FAAH2: variants seen among roughly 807,000 people sequenced by gnomAD.
The protein encoded by FAAH2 is fatty-acid amide hydrolase 2.
FAAH2 carries 60 observed loss-of-function variants against 36.9 expected under a neutral mutation model. The observed-to-expected ratio is 1.63, with a 90% CI of 1.32 to 2.02. The LOEUF (loss-of-function observed/expected upper bound fraction) is 2.02, where lower values mean the gene tolerates loss of function less well. Ranked by LOEUF, FAAH2 falls within the 30% of genes most tolerant of loss-of-function variation. FAAH2 has a pLI of 0.00. For missense variants in FAAH2, 689 were observed against 397.5 expected, an observed-to-expected ratio of 1.73 and a Z score of -6.23; for synonymous variants, 214 against 143.8, an observed-to-expected ratio of 1.49 and a Z score of -3.49.
chrX:57,297,073 C>T (rs2052186186), intron 2 of FAAH2, among the ~76,000 whole-genome samples: 1 of 110,405 alleles, frequency 9.1e-6, no homozygotes, highest in East Asian at 2.8e-4. Context: ...GCAAGGCAGG[C>T]CAACATTCAG....
At chrX:57,376,243 T>C (rs2054673553) in intron 5 of FAAH2, among the ~76,000 whole-genome samples, 1 of 111,499 alleles carries the variant, frequency 9.0e-6, no homozygotes, top group Admixed American at 9.6e-5. Flanking sequence ...ATCGATATTA[T>C]TAATCTTCTC....
intron 8 of FAAH2, among the ~76,000 whole-genome samples, chrX:57,441,768 A>T (rs1171632146): frequency 1.8e-5 from 2 of 110,243 alleles, no homozygotes; most frequent in African/African-American, 6.6e-5. Context: ...TTCCCTCTAC[A>T]CACTGCTTTA....
chrX:57,127,595 G>A, the FAAH2 span, among the ~76,000 whole-genome samples: 1 of 111,758 alleles, frequency 8.9e-6, no homozygotes, highest in African/African-American at 3.2e-5. Flanking sequence ...TTTTTTAAAT[G>A]TCATGCATTA....
chrX:57,478,569 A>T (rs1223898835), intron 10 of FAAH2, among the ~76,000 whole-genome samples: 2 of 111,854 alleles, frequency 1.8e-5, no homozygotes, highest in African/African-American at 6.5e-5. Context: ...GCACATGCCT[A>T]TGTCCTGAAT....
At chrX:57,168,204 G>C in the FAAH2 span, among the ~76,000 whole-genome samples, 1 of 110,469 alleles carries the variant, frequency 9.1e-6, no homozygotes, top group Non-Finnish European at 1.9e-5. Context: ...AGATGCTCCA[G>C]TCTCATCTTG....
chrX:57,429,012 A>T lies in FAAH2; in HGVS notation c.997-2906A>T, dbSNP rs185678641. Among the ~76,000 whole-genome samples the T allele has an allele frequency of 6.5e-3, 732 of 111,776 alleles. 7 individuals carry two copies. Among genetic ancestry groups the T allele is most frequent in the Non-Finnish European group, 7.0e-3 (374 of 53,121 alleles). On this transcript the variant is annotated intron_variant, in intron 7 of 10. Coordinates refer to ENST00000374900, the MANE Select transcript of FAAH2 (RefSeq NM_174912.4). Reference sequence around the variant, plus strand: ...TAAAATATTAATAACTAGGTTCCACAAAGAACTCAGACATCTCAACAACAA... The same window carrying T: ...TAAAATATTAATAACTAGGTTCCACTAAGAACTCAGACATCTCAACAACAA...
At chrX:57,405,338 A>G (rs977590063) in intron 7 of FAAH2, among the ~76,000 whole-genome samples, 1 of 110,888 alleles carries the variant, frequency 9.0e-6, no homozygotes, top group African/African-American at 3.3e-5. Flanking sequence ...CCATGCAGTG[A>G]GTGTTATAGC....
chrX:57,448,717 A>G lies in FAAH2; in HGVS notation c.1422A>G (p.Thr474=). ...PLTRPFNFAY[T]GVFSALGLPV... ...CACGGCCTTTCAACTTTGCTTACAC[A>G]GGTACCTAATTGTATTCCTTACATT... The change falls in exon 10 of 11, where the codon ACA becomes ACG. Residue 474 remains threonine (T), a splice_region_variant and synonymous_variant. Coordinates refer to ENST00000374900, the MANE Select transcript of FAAH2 (RefSeq NM_174912.4). 1 of 1,190,553 alleles carries G rather than the reference A, an allele frequency of 8.4e-7. No individual in the cohort carries two copies. The highest frequency in any genetic ancestry group is 1.1e-6 in the Non-Finnish European group (1 of 878,222).
At chrX:57,449,912 C>T (rs981822483) in intron 10 of FAAH2, among the ~76,000 whole-genome samples, 4 of 111,519 alleles carry the variant, frequency 3.6e-5, no homozygotes, top group Non-Finnish European at 7.5e-5. Context: ...ATTATCTGTC[C>T]GCCTTGGCCT....
At chrX:57,416,322 TG>T (rs1037943305) in intron 7 of FAAH2, among the ~76,000 whole-genome samples, 4 of 111,563 alleles carry the variant, frequency 3.6e-5, no homozygotes, top group Non-Finnish European at 7.5e-5. Context: ...TTCATAGTAT[TG>T]ATGGTCTTTA....
rs773560994 is a variant in FAAH2 at position 57,411,193 on chromosome X, T to A, written c.997-20725T>A. Among the ~76,000 whole-genome samples the A allele has an allele frequency of 2.5e-4, 28 of 111,747 alleles. No homozygotes were observed. In the Middle Eastern group the frequency reaches 0.018, roughly 73 times the overall value. On this transcript the variant is annotated intron_variant, in intron 7 of 10. Coordinates refer to ENST00000374900, the MANE Select transcript of FAAH2 (RefSeq NM_174912.4). Reference sequence around the variant, plus strand: ...ATTATTCTTAGGGGGAAAGACTGAGTATTGTTTACCTTCTCTCTATGCTGC... The same window carrying A: ...ATTATTCTTAGGGGGAAAGACTGAGAATTGTTTACCTTCTCTCTATGCTGC...
the FAAH2 span, among the ~76,000 whole-genome samples, chrX:57,138,686 AC>A: frequency 1.8e-5 from 2 of 111,567 alleles, no homozygotes; most frequent in Non-Finnish European, 3.8e-5. Context: ...CGAGCAATTT[AC>A]AAGGATACCT....
chrX:57,380,657 G>A (rs779081437), intron 6 of FAAH2, among the ~76,000 whole-genome samples: 72 of 111,864 alleles, frequency 6.4e-4, no homozygotes, highest in Non-Finnish European at 1.1e-3. Context: ...ATCATTTCTA[G>A]CATGAACTAC....
At chrX:57,244,073 A>G in the FAAH2 span, among the ~76,000 whole-genome samples, 1 of 108,357 alleles carries the variant, frequency 9.2e-6, no homozygotes, top group Non-Finnish European at 1.9e-5. Context: ...GAGCTGAAAA[A>G]CATAGCATGA....
chrX:57,419,077 A>G (rs1347205482), intron 7 of FAAH2, among the ~76,000 whole-genome samples: 3 of 107,137 alleles, frequency 2.8e-5, no homozygotes, highest in Admixed American at 1.0e-4. Context: ...ATAGTATTCC[A>G]TGGTGTATAT....
chrX:57,282,671 C>G (rs1010263131), upstream of FAAH2, among the ~76,000 whole-genome samples: 2 of 111,955 alleles, frequency 1.8e-5, no homozygotes, highest in African/African-American at 6.5e-5. Flanking sequence ...CTTGGTTTCA[C>G]TGGGGGATAT....
At chrX:57,160,136 A>T in the FAAH2 span, among the ~76,000 whole-genome samples, 1 of 111,804 alleles carries the variant, frequency 8.9e-6, no homozygotes, top group Non-Finnish European at 1.9e-5. Flanking sequence ...ATGCTGGATT[A>T]CGTTTATTGA....
At chrX:57,187,430 T>C in the FAAH2 span, among the ~76,000 whole-genome samples, 7 of 111,591 alleles carry the variant, frequency 6.3e-5, 1 homozygote, top group South Asian at 2.6e-3. Context: ...CCTGAGACTT[T>C]GCTGAAGTTG....
the FAAH2 span, among the ~76,000 whole-genome samples, chrX:57,235,052 T>TG: frequency 9.0e-6 from 1 of 110,829 alleles, no homozygotes; most frequent in Admixed American, 9.6e-5. Flanking sequence ...GCCCAGGGAC[T>TG]GGGGGCCCTT....
Sources: allele counts gnomAD v4.1 joint callset (sites outside exome capture counted in the v4.1 genomes callset), GRCh38; gene constraint gnomAD v4.1.1; transcripts MANE v1.5; gene names NCBI Gene and HGNC (gene_info 2026-07-23, HGNC 2026-07-21).